Variants in LHFPL6 observed in about 807,000 individuals in gnomAD.
LHFPL6 encodes LHFPL tetraspan subfamily member 6 protein.
In LHFPL6, 9 loss-of-function variants were observed where a neutral mutation model predicts 20.6. That is an observed-to-expected ratio of 0.44 (90% CI 0.26 to 0.76). The LOEUF is 0.76. LHFPL6 is among the 30% of genes least tolerant of loss of function. The pLI, the probability that LHFPL6 is intolerant of heterozygous loss-of-function variation, is 0.20. For missense variants in LHFPL6, 218 were observed against 253.5 expected, an observed-to-expected ratio of 0.86 and a Z score of 0.95; for synonymous variants, 105 against 98.7, an observed-to-expected ratio of 1.06 and a Z score of -0.38.
chr13:39,467,448 A>C (rs1381210134), intron 2 of LHFPL6, among the ~76,000 whole-genome samples: 3 of 152,104 alleles, frequency 2.0e-5, no homozygotes, highest in African/African-American at 4.8e-5. Context: ...CAATACCCTG[A>C]AATATGGCCC....
At chr13:39,547,010 G>A (rs145935411) in intron 2 of LHFPL6, among the ~76,000 whole-genome samples, 20 of 151,822 alleles carry the variant, frequency 1.3e-4, no homozygotes, top group African/African-American at 7.3e-5. Context: ...TGCTGGTTTC[G>A]CTAATAACCA....
chr13:39,380,799 T>G (rs1870417993), intron 2 of LHFPL6, among the ~76,000 whole-genome samples: 1 of 152,064 alleles, frequency 6.6e-6, no homozygotes, highest in Admixed American at 6.6e-5. Context: ...GGCCTAGCAT[T>G]AGATTCTTGT....
chr13:39,586,423 C>A (rs538295738), intron 2 of LHFPL6, among the ~76,000 whole-genome samples: 1 of 152,114 alleles, frequency 6.6e-6, no homozygotes, highest in East Asian at 1.9e-4. Context: ...CATCTACATA[C>A]CATGGTAACG....
At position 39,492,809 on chromosome 13, in the gene LHFPL6, T is replaced by C. The variant is rs374671019; in HGVS notation, c.385+108023A>G. ...GATTCTCCTGCCTCAGCCTCCCGAG[T>C]AGCTGGGATTACAGGCATGCACCAC... On this transcript the variant is annotated intron_variant, in intron 2 of 3. Transcript: ENST00000379589. 1.1e-4 allele frequency among the ~76,000 whole-genome samples: 17 copies of C among 152,066 alleles called. No individual in the cohort carries two copies. The South Asian group carries it at 3.5e-3, about 32-fold the overall frequency.
At chr13:39,464,968 G>A (rs1872767788) in intron 2 of LHFPL6, among the ~76,000 whole-genome samples, 2 of 152,012 alleles carry the variant, frequency 1.3e-5, no homozygotes, top group African/African-American at 4.8e-5. Context: ...CTTCTAATAG[G>A]GGCACTTATT....
intron 2 of LHFPL6, among the ~76,000 whole-genome samples, chr13:39,478,006 C>A (rs1873124868): frequency 6.6e-6 from 1 of 152,210 alleles, no homozygotes; most frequent in South Asian, 2.1e-4. Context: ...CAGCATCCAT[C>A]TGGAAACCAA....
At chr13:39,479,044 T>C (rs979204550) in intron 2 of LHFPL6, among the ~76,000 whole-genome samples, 37 of 148,210 alleles carry the variant, frequency 2.5e-4, no homozygotes, top group African/African-American at 9.1e-4. Context: ...TATAGATAGA[T>C]AGATAGATAG....
rs1869291884 is a variant in LHFPL6, at chr13:39,343,130, G to C, written c.*806C>G. On this transcript the variant is annotated 3_prime_UTR_variant, in exon 4 of 4. Coordinates refer to ENST00000379589, the MANE Select transcript of LHFPL6 (RefSeq NM_005780.3). ...TTTTCTTCATAAGAATATCATAGCAGAAGCTACTCAGAGAAATATTGCATA... is the reference window on the plus strand; with the variant it reads ...TTTTCTTCATAAGAATATCATAGCACAAGCTACTCAGAGAAATATTGCATA... 1 of 203,478 alleles carries C rather than the reference G, an allele frequency of 4.9e-6. No individual in the cohort carries two copies. The highest frequency in any genetic ancestry group is 1.0e-5 in the Non-Finnish European group (1 of 98,974). The allele number at this position is 203,478 out of a possible 1,614,324, so 12.6% of individuals were successfully genotyped here.
chr13:39,546,379 G>A (rs1409736813), intron 2 of LHFPL6, among the ~76,000 whole-genome samples: 2 of 152,110 alleles, frequency 1.3e-5, no homozygotes, highest in Non-Finnish European at 2.9e-5. Context: ...TAGTTTTAGG[G>A]CATGAGAATC....
intron 2 of LHFPL6, among the ~76,000 whole-genome samples, chr13:39,446,559 G>A (rs1040712135): frequency 7.2e-5 from 11 of 152,110 alleles, no homozygotes; most frequent in South Asian, 6.2e-4. Flanking sequence ...AACAAAGATC[G>A]TGTCCCAACT....
Position 39,479,032 on chromosome 13 carries a change from GATAT to G in LHFPL6, c.386-100510_386-100507del, listed in dbSNP as rs770712241. On this transcript the variant is annotated intron_variant, in intron 2 of 3. Coordinates refer to ENST00000379589, the MANE Select transcript of LHFPL6 (RefSeq NM_005780.3). ...TATAATGAAGCACCAATGGGAGATA[GATAT>G]AGATAGATAGATAGATAGATAGATA... Among the ~76,000 whole-genome samples the G allele has an allele frequency of 5.9e-3, 723 of 123,080 alleles. 7 individuals are homozygous for G. Among genetic ancestry groups the G allele is most frequent in the African/African-American group, 0.02 (679 of 33,726 alleles). 80.7% of individuals were successfully genotyped at this position (123,080 alleles called of 152,430 possible).
In LHFPL6 at chr13:39,430,494, G is replaced by C. The variant is rs375306266; in HGVS notation, c.386-51968C>G. 5.3e-5 allele frequency among the ~76,000 whole-genome samples: 8 copies of C among 152,294 alleles called. No individual in the cohort carries two copies. The East Asian group carries it at 1.2e-3, about 22-fold the overall frequency. On this transcript the variant is annotated intron_variant, in intron 2 of 3. Transcript: ENST00000379589. ...AAAGTCCTTGCCAATACATGTCTGA[G>C]TGCAAATCTTCATCTCAGTTTCTGC...
intron 2 of LHFPL6, among the ~76,000 whole-genome samples, chr13:39,461,146 T>C (rs1315397540): frequency 6.6e-6 from 1 of 152,170 alleles, no homozygotes; most frequent in African/African-American, 2.4e-5. Context: ...GGTCCATCCA[T>C]GTTGCTGCAA....
chr13:39,403,797 C>G (rs901157161), intron 2 of LHFPL6, among the ~76,000 whole-genome samples: 1 of 152,090 alleles, frequency 6.6e-6, no homozygotes, highest in Non-Finnish European at 1.5e-5. Context: ...GACATACCCC[C>G]ACCACTGTAT....
intron 2 of LHFPL6, among the ~76,000 whole-genome samples, chr13:39,580,851 A>T (rs1338499959): frequency 3.3e-5 from 5 of 152,240 alleles, no homozygotes; most frequent in Admixed American, 3.3e-4. Context: ...ACTGATGAAC[A>T]GCAGAATTTA....
At chr13:39,389,643 G>A (rs542828383) in intron 2 of LHFPL6, among the ~76,000 whole-genome samples, 7 of 152,180 alleles carry the variant, frequency 4.6e-5, no homozygotes, top group African/African-American at 1.2e-4. Flanking sequence ...TCAGAGCAAC[G>A]CACACCAATT....
intron 2 of LHFPL6, among the ~76,000 whole-genome samples, chr13:39,430,907 C>T (rs918959630): frequency 6.6e-6 from 1 of 152,166 alleles, no homozygotes; most frequent in Non-Finnish European, 1.5e-5. Flanking sequence ...TGCTCAGGTC[C>T]CCTTCCACGC....
chr13:39,417,192 C>G (rs1871371004), intron 2 of LHFPL6, among the ~76,000 whole-genome samples: 1 of 152,144 alleles, frequency 6.6e-6, no homozygotes, highest in African/African-American at 2.4e-5. Flanking sequence ...TGAAACAGGA[C>G]AGGACTGGAC....
At chr13:39,489,570 C>T (rs1201258726) in intron 2 of LHFPL6, among the ~76,000 whole-genome samples, 2 of 149,006 alleles carry the variant, frequency 1.3e-5, no homozygotes, top group Admixed American at 6.7e-5. Flanking sequence ...TGGAGGGGAG[C>T]GGGGGATAGG....
Sources: allele counts gnomAD v4.1 joint callset (sites outside exome capture counted in the v4.1 genomes callset), GRCh38; gene constraint gnomAD v4.1.1; transcripts MANE v1.5; gene names NCBI Gene and HGNC (gene_info 2026-07-23, HGNC 2026-07-21).